Variants in SAGE1 observed in about 807,000 individuals in gnomAD.
SAGE1 encodes cancer/testis antigen 14.
A neutral mutation model predicts 55.4 loss-of-function variants in SAGE1; 55 were observed. The ratio of observed to expected loss-of-function variants is 0.99; its 90% CI spans 0.80 to 1.24. SAGE1 has a LOEUF of 1.24. Ranked by LOEUF, SAGE1 falls within the 50% of genes most tolerant of loss-of-function variation. The pLI is 0.00. For missense variants in SAGE1, 710 were observed against 704.4 expected, an observed-to-expected ratio of 1.01 and a Z score of -0.09; for synonymous variants, 240 against 244.3, an observed-to-expected ratio of 0.98 and a Z score of 0.17.
intron 17 of SAGE1, 48 bp from the exon 18 acceptor site, chrX:135,911,531 G>T (rs782485204): frequency 3.0e-6 from 3 of 993,732 alleles, no homozygotes; most frequent in Non-Finnish European, 1.4e-6. Flanking sequence ...CTGTGGGGGT[G>T]ACATAATGCA....
At chrX:135,912,472 G>A (rs933076028) in intron 19 of SAGE1, 58 bp downstream of exon 19, 68 of 1,185,406 alleles carry the variant, frequency 5.7e-5, no homozygotes, top group Non-Finnish European at 7.1e-5. Context: ...ATTTGGGACA[G>A]GGGCAGGAAA....
Position 135,908,113 on chromosome X carries a change from G to C in SAGE1, c.1184G>C (p.Arg395Pro). ...DQHATIIHNL[R>P]EEKKDNSQPT... is the part of the protein sequence containing the mutation. ...GATGCTACCATCATTCACAATCTGC[G>C]TGAAGAGAAGAAAGATAACAGCCAA... The change falls in exon 11 of 20, where the codon CGT (arginine) becomes CCT (proline). Residue 395 changes from arginine to proline, a missense_variant. Arg to Pro is a moderately radical substitution (Grantham distance 103). Transcript: ENST00000370709. 1 of 1,210,005 alleles carries C rather than the reference G, an allele frequency of 8.3e-7. No homozygotes were observed. Among genetic ancestry groups the C allele is most frequent in the Non-Finnish European group, 1.1e-6 (1 of 894,572 alleles).
chrX:135,907,400 T>A lies in SAGE1; in HGVS notation c.965T>A (p.Val322Glu), dbSNP rs782676873. Residue 322 changes from valine to glutamate, a missense_variant, in exon 9 of 20, where the codon GTG becomes GAG. Val to Glu is a moderately radical substitution (Grantham distance 121). Transcript: ENST00000370709. ...AACGTATTGTCAACTGTTCAACCAG[T>A]GATTATTTATTTGACAGCAACTGGT... ...PNNVLSTVQPVIIYLTATGIP... is the reference protein window; with the variant it reads ...PNNVLSTVQPEIIYLTATGIP... The A allele has an allele frequency of 6.6e-6, 8 of 1,206,598 alleles. No individual in the cohort carries two copies. Among genetic ancestry groups the A allele is most frequent in the Non-Finnish European group, 9.0e-6 (8 of 891,961 alleles).
chrX:135,911,891 C>CA lies in SAGE1; in HGVS notation c.2462dup (p.Lys822GlufsTer3). ...ACACCACAAATATCTCCTGCCATGG[C>CA]AAAGAAAATTAATGATGATATAAAA... On this transcript the variant is annotated frameshift_variant, in exon 18 of 20. Coordinates refer to ENST00000370709, the MANE Select transcript of SAGE1 (RefSeq NM_001381902.1). LOFTEE classifies it high-confidence loss of function. 7 of 1,209,263 alleles carry CA rather than the reference C, an allele frequency of 5.8e-6. No homozygotes were observed. Among genetic ancestry groups the CA allele is most frequent in the Non-Finnish European group, 7.8e-6 (7 of 893,823 alleles).
At position 135,907,836 on chromosome X, in the gene SAGE1, A is replaced by T; in HGVS notation, c.1154A>T (p.Asp385Val). ...GATATGCCAGCCATGAGTACCAGGGATCAGCGTAAGTTTGTTTACTAGTTG... is the reference window on the plus strand; with the variant it reads ...GATATGCCAGCCATGAGTACCAGGGTTCAGCGTAAGTTTGTTTACTAGTTG... ...TADMPAMSTR[D>V]QHATIIHNLR... Residue 385 changes from aspartate (D) to valine (V), a missense_variant, in exon 10 of 20, where the codon GAT (aspartate) becomes GTT (valine). Transcript: ENST00000370709. 8.3e-7 allele frequency: 1 copy of T among 1,209,935 alleles called. No homozygotes were observed. The highest frequency in any genetic ancestry group is 1.1e-6 in the Non-Finnish European group (1 of 894,177).
chrX:135,908,328 T>A, intron 11 of SAGE1, 99 bp downstream of exon 11: 1 of 1,037,709 alleles, frequency 9.6e-7, no homozygotes, highest in Non-Finnish European at 1.3e-6. Context: ...CTTTCGTGAG[T>A]TGAATTTGTG....
intron 2 of SAGE1, among the ~76,000 whole-genome samples, chrX:135,898,281 A>C (rs1386214205): frequency 1.8e-5 from 2 of 111,801 alleles, no homozygotes; most frequent in African/African-American, 6.5e-5. Context: ...GGCCTCCCAA[A>C]GTGCTGGGAT....
chrX:135,898,637 C>T (rs1603125476), intron 2 of SAGE1, among the ~76,000 whole-genome samples: 1 of 112,148 alleles, frequency 8.9e-6, no homozygotes, highest in East Asian at 2.8e-4. Context: ...TTTTTCTCCA[C>T]AGCCTTGCCA....
chrX:135,900,528 C>T (rs1556595895), intron 2 of SAGE1, among the ~76,000 whole-genome samples: 3 of 110,919 alleles, frequency 2.7e-5, no homozygotes, highest in African/African-American at 6.6e-5. Context: ...AGGAGTCCCT[C>T]CTTTTTAATT....
At chrX:135,897,001 G>A (rs1335889114) in intron 2 of SAGE1, among the ~76,000 whole-genome samples, 2 of 111,529 alleles carry the variant, frequency 1.8e-5, no homozygotes, top group African/African-American at 3.3e-5. Flanking sequence ...GTAGAGCCAG[G>A]GTTTGAACGC....
rs1296994709 is a variant in SAGE1 at position 135,906,280 on chromosome X, C to T, written c.595+116C>T. ...CGTTTCTGGCCTAAATCTGAGGGGT[C>T]TCACATCACCACCTGATATATCCTA... On this transcript the variant is annotated intron_variant, in intron 6 of 19. Transcript: ENST00000370709. 19 of 1,055,980 alleles carry T rather than the reference C, an allele frequency of 1.8e-5. No homozygotes were observed. In the South Asian group the frequency reaches 4.2e-4, roughly 23 times the overall value. The allele number at this position is 1,055,980 out of a possible 1,213,427, so 87.0% of individuals were successfully genotyped here.
intron 9 of SAGE1, 100 bp downstream of exon 9, chrX:135,907,553 G>A (rs2088818522): frequency 1.0e-6 from 1 of 992,874 alleles, no homozygotes; most frequent in Non-Finnish European, 1.4e-6. Flanking sequence ...TCTTTCATGA[G>A]CTCAATCTGA....
At position 135,911,690 on chromosome X, in the gene SAGE1, A is replaced by G. The variant is rs782737348; in HGVS notation, c.2258A>G (p.His753Arg). ...CCAGAGCTGATAAATATGACAGGAC[A>G]TTGTATGCCACCCAATGCATTGGAT... ...DSPELINMTG[H>R]CMPPNALDSF... is the part of the protein sequence containing the mutation. The change falls in exon 18 of 20, where the codon CAT becomes CGT. Residue 753 changes from histidine (H) to arginine (R), a missense_variant. By Grantham distance (29) the His-to-Arg change is conservative. Coordinates refer to ENST00000370709, the MANE Select transcript of SAGE1 (RefSeq NM_001381902.1). 3 of 1,207,747 alleles carry G rather than the reference A, an allele frequency of 2.5e-6. No individual in the cohort carries two copies. Among genetic ancestry groups the G allele is most frequent in the Non-Finnish European group, 2.2e-6 (2 of 891,731 alleles).
chrX:135,906,395 T>C lies in SAGE1; in HGVS notation c.596-16T>C, dbSNP rs2088789761. 2 of 1,206,261 alleles carry C rather than the reference T, an allele frequency of 1.7e-6. No homozygotes were observed. The highest frequency in any genetic ancestry group is 3.5e-5 in the African/African-American group (2 of 57,295). The stretch of plus-strand genomic sequence containing the variant: ...TGCACTTACCTCACAGCTCAACCTC[T>C]TCCTTTGGTTTCCAGATGCTACAGT... On this transcript the variant is annotated splice_polypyrimidine_tract_variant and intron_variant, in intron 6 of 19. Transcript: ENST00000370709.
At chrX:135,911,080 A>G in intron 16 of SAGE1, 112 bp from the exon 17 acceptor site, 1 of 860,058 alleles carries the variant, frequency 1.2e-6, no homozygotes, top group Admixed American at 2.8e-5. Context: ...CACCTGGTAT[A>G]TCCTCCTGCT....
At chrX:135,909,612 A>G (rs782351110) in intron 13 of SAGE1, 27 bp from the exon 14 acceptor site, 10 of 1,179,021 alleles carry the variant, frequency 8.5e-6, no homozygotes, top group Non-Finnish European at 1.1e-5. Flanking sequence ...CTTACGTCAC[A>G]AGTCAACCTC....
At chrX:135,894,889 A>G (rs1453429675) in intron 1 of SAGE1, among the ~76,000 whole-genome samples, 24 of 111,217 alleles carry the variant, frequency 2.2e-4, no homozygotes, top group African/African-American at 7.5e-4. Context: ...TGATTTTGAA[A>G]ATATCAAGTC....
chrX:135,900,364 G>A (rs1299737492), intron 2 of SAGE1, among the ~76,000 whole-genome samples: 1 of 111,593 alleles, frequency 9.0e-6, no homozygotes, highest in Non-Finnish European at 1.9e-5. Context: ...TGGGGAATAA[G>A]CTTTTTGATG....
intron 10 of SAGE1, 104 bp from the exon 11 acceptor site, chrX:135,907,985 C>T: frequency 9.4e-7 from 1 of 1,064,746 alleles, no homozygotes; most frequent in Non-Finnish European, 1.3e-6. Flanking sequence ...TATCCTAGTT[C>T]CTTAGGAGAT....
Sources: gnomAD v4.1 joint callset for allele counts (sites outside exome capture counted in the v4.1 genomes callset) on GRCh38, gnomAD v4.1.1 for gene constraint, MANE v1.5 for transcripts, NCBI Gene and HGNC (gene_info 2026-07-23, HGNC 2026-07-21) for gene names.